ITGB4: variants seen among roughly 807,000 people sequenced by gnomAD.
ITGB4 encodes integrin subunit beta 4, also known as integrin beta-4.
In ITGB4, 159 loss-of-function variants were observed where a neutral mutation model predicts 207.6. The ratio of observed to expected loss-of-function variants is 0.77; its 90% CI spans 0.67 to 0.87. The LOEUF is 0.87. Ranked by LOEUF, ITGB4 falls within the 40% of genes least tolerant of loss-of-function variation. The pLI is 0.00. For missense variants in ITGB4, 2,278 were observed against 2,546.8 expected (o/e 0.89, Z 2.27); for synonymous variants, 1,020 against 1,062.7 (o/e 0.96, Z 0.78).
At position 75,732,687 on chromosome 17, in the gene ITGB4, G is replaced by A. The variant is rs920675329; in HGVS notation, c.1454+448G>A. On this transcript the variant is annotated intron_variant, in intron 12 of 39. Coordinates refer to ENST00000200181, the MANE Select transcript of ITGB4 (RefSeq NM_000213.5). The surrounding 1 kb of genome is among the most constrained non-coding windows in gnomAD (Gnocchi z 5.3). ...GCAGTGGGGAAAGGACACTGGAAGG[G>A]GTGACATGACAGGGCACTGGGGTTT... Among the ~76,000 whole-genome samples the A allele has an allele frequency of 3.3e-5, 5 of 152,152 alleles. No individual in the cohort carries two copies. The East Asian group carries it at 7.7e-4, about 23-fold the overall frequency.
chr17:75,741,906 C>T (rs2061120172), intron 23 of ITGB4, among the ~76,000 whole-genome samples: 1 of 152,166 alleles, frequency 6.6e-6, no homozygotes, highest in South Asian at 2.1e-4. Flanking sequence ...ATCCAACCCT[C>T]TCGTCAAGCC....
In ITGB4 at chr17:75,753,855, T is replaced by C. The variant is rs1464493879; in HGVS notation, c.4199T>C (p.Leu1400Pro). 1 of 1,388,770 alleles carries C rather than the reference T, an allele frequency of 7.2e-7. No homozygotes were observed. The highest frequency in any genetic ancestry group is 9.4e-7 in the Non-Finnish European group (1 of 1,069,174). 86.0% of individuals were successfully genotyped at this position (1,388,770 alleles called of 1,614,324 possible). Residue 1400 changes from leucine to proline, a missense_variant, in exon 33 of 40, where the codon CTG becomes CCG. Physicochemically the swap from Leu to Pro is moderately conservative, Grantham distance 98. Coordinates refer to ENST00000200181, the MANE Select transcript of ITGB4 (RefSeq NM_000213.5). Reference protein sequence around the residue: ...WRLPPELIPRLSASSGRSSDA... With the variant: ...WRLPPELIPRPSASSGRSSDA... ...CTGCCCCCGGAGCTCATCCCGCGCC[T>C]GTCGGCCAGCAGCGGGCGCTCCTCC... is the stretch of plus-strand genomic sequence containing the variant.
chr17:75,754,612 C>G lies in ITGB4; in HGVS notation c.4355C>G (p.Pro1452Arg). ...AATGGCCGGATGGACTTTGCCTTCC[C>G]GGGCAGCACCAACTCCCTGCACAGG... ...LVNGRMDFAF[P>R]GSTNSLHRMT... Residue 1452 changes from proline (P) to arginine (R), a missense_variant, in exon 34 of 40, where the codon CCG becomes CGG. By Grantham distance (103) the Pro-to-Arg change is moderately radical. Coordinates refer to ENST00000200181, the MANE Select transcript of ITGB4 (RefSeq NM_000213.5). 6.2e-7 allele frequency: 1 copy of G among 1,613,914 alleles called. No individual in the cohort carries two copies. Among genetic ancestry groups the G allele is most frequent in the Non-Finnish European group, 8.5e-7 (1 of 1,179,986 alleles).
In ITGB4 at chr17:75,748,197, CA is replaced by C. The variant is rs57537115; in HGVS notation, c.3112-624del. Among the ~76,000 whole-genome samples, 582 of 78,634 alleles carry C rather than the reference CA, an allele frequency of 7.4e-3. 5 individuals are homozygous for C. The highest frequency in any genetic ancestry group is 0.072 in the East Asian group (210 of 2,916). The allele number at this position is 78,634 out of a possible 152,430, so 51.6% of individuals were successfully genotyped here. On this transcript the variant is annotated intron_variant, in intron 26 of 39. Transcript: ENST00000200181. ...GCAACATAGGGTAACCGTGCCTCTA[CA>C]AAAAAAAAAAAAAAAAAAATAGCCA...
At chr17:75,752,148 C>A in intron 30 of ITGB4, 26 bp from the exon 31 acceptor site, 1 of 1,612,754 alleles carries the variant, frequency 6.2e-7, no homozygotes, top group Non-Finnish European at 8.5e-7. Flanking sequence ...CCTGGGTGAC[C>A]CTCTGAAGCA....
chr17:75,731,010 G>T lies in ITGB4; in HGVS notation c.1092+46G>T. On this transcript the variant is annotated intron_variant, in intron 9 of 39. Transcript: ENST00000200181. This position sits in a 1 kb window ranked among gnomAD's most constrained non-coding sequence, Gnocchi z 6.8. ...AGAGTCTGAGCCCTTCTGGGGCAGG[G>T]CAGGAAGTGGGCAGGGTGGGCAAGA... The T allele has an allele frequency of 1.3e-6, 2 of 1,560,768 alleles. No homozygotes were observed. Among genetic ancestry groups the T allele is most frequent in the Non-Finnish European group, 1.8e-6 (2 of 1,132,624 alleles).
chr17:75,742,850 G>T lies in ITGB4; in HGVS notation c.2962+89G>T. ...TTAAGTGGAATTGCGACCTGGCCAC[G>T]TGGCCTGGGCTAGTCACTTAACCTC... On this transcript the variant is annotated intron_variant, in intron 25 of 39. Coordinates refer to ENST00000200181, the MANE Select transcript of ITGB4 (RefSeq NM_000213.5). The surrounding 1 kb of genome is among the most constrained non-coding windows in gnomAD (Gnocchi z 5.9). 7.8e-7 allele frequency: 1 copy of T among 1,279,694 alleles called. No homozygotes were observed. The allele number at this position is 1,279,694 out of a possible 1,614,324, so 79.3% of individuals were successfully genotyped here.
Position 75,727,059 on chromosome 17 carries a change from C to G in ITGB4, c.80-136C>G. 1.3e-6 allele frequency: 1 copy of G among 753,476 alleles called. No individual in the cohort carries two copies. Among genetic ancestry groups the G allele is most frequent in the Non-Finnish European group, 2.3e-6 (1 of 441,674 alleles). 46.7% of individuals were successfully genotyped at this position (753,476 alleles called of 1,614,324 possible). ...CTGCACTCCAGCCTGGGCAACAGAG[C>G]GAGACTCTGTCTCAAAATAAATAAA... On this transcript the variant is annotated intron_variant, in intron 2 of 39. Transcript: ENST00000200181. The surrounding 1 kb of genome is among the most constrained non-coding windows in gnomAD (Gnocchi z 6.0).
chr17:75,747,074 C>T (rs1483096460), intron 26 of ITGB4, among the ~76,000 whole-genome samples: 2 of 151,974 alleles, frequency 1.3e-5, no homozygotes, highest in African/African-American at 2.4e-5. Context: ...ATAGATTCAC[C>T]GATTGCTAAT....
intron 13 of ITGB4, 115 bp from the exon 14 acceptor site, chr17:75,735,936 T>C: frequency 2.2e-6 from 2 of 915,008 alleles, no homozygotes; most frequent in Non-Finnish European, 3.6e-6. Context: ...TACCCCAGGC[T>C]AGCGGCACCC....
At position 75,732,618 on chromosome 17, in the gene ITGB4, T is replaced by C. The variant is rs977944071; in HGVS notation, c.1454+379T>C. On this transcript the variant is annotated intron_variant, in intron 12 of 39. Transcript: ENST00000200181. This position sits in a 1 kb window ranked among gnomAD's most constrained non-coding sequence, Gnocchi z 5.3. Reference sequence around the variant, plus strand: ...TCGTAAATGCACGGCAGTAAGGGCTTTAGCTTCAGGACACTGGGCGAGCTT... The same window carrying C: ...TCGTAAATGCACGGCAGTAAGGGCTCTAGCTTCAGGACACTGGGCGAGCTT... Among the ~76,000 whole-genome samples, 6 of 152,104 alleles carry C rather than the reference T, an allele frequency of 3.9e-5. No individual in the cohort carries two copies. The highest frequency in any genetic ancestry group is 8.8e-5 in the Non-Finnish European group (6 of 68,010).
intron 26 of ITGB4, among the ~76,000 whole-genome samples, chr17:75,747,214 C>A (rs968682604): frequency 6.6e-6 from 1 of 152,136 alleles, no homozygotes; most frequent in Non-Finnish European, 1.5e-5. Context: ...CGTGGTGGCT[C>A]ACACCTGTAA....
chr17:75,725,940 TCATCAA>T (rs1431705091), intron 2 of ITGB4, among the ~76,000 whole-genome samples: 9 of 152,168 alleles, frequency 5.9e-5, no homozygotes, highest in African/African-American at 9.7e-5. Flanking sequence ...TAGGTGCAGC[TCATCAA>T]AGGTAATGGG....
At chr17:75,747,106 A>C (rs1227533999) in intron 26 of ITGB4, among the ~76,000 whole-genome samples, 1 of 152,210 alleles carries the variant, frequency 6.6e-6, no homozygotes, top group African/African-American at 2.4e-5. Context: ...CTCTCTTTCT[A>C]TATAGATAGC....
chr17:75,754,543 G>T, intron 33 of ITGB4, 33 bp from the exon 34 acceptor site: 2 of 1,612,744 alleles, frequency 1.2e-6, no homozygotes. Context: ...TCTGGGGCAG[G>T]CCTGACCAAG....
In ITGB4 at chr17:75,733,589, C is replaced by T. The variant is rs1476581312; in HGVS notation, c.1554C>T (p.Cys518=). The T allele has an allele frequency of 6.2e-7, 1 of 1,614,106 alleles. No individual in the cohort carries two copies. Among genetic ancestry groups the T allele is most frequent in the Non-Finnish European group, 8.5e-7 (1 of 1,180,028 alleles). Reference sequence around the variant, plus strand: ...AGCCGTGCTCCGGCCGTGGGGAGTGCCAGTGCGGGCACTGTGTGTGCTACG... The same window carrying T: ...AGCCGTGCTCCGGCCGTGGGGAGTGTCAGTGCGGGCACTGTGTGTGCTACG... ...EDKPCSGRGE[C]QCGHCVCYGE... Residue 518 remains cysteine (C), a synonymous_variant, in exon 13 of 40, where the codon TGC becomes TGT. Transcript: ENST00000200181.
intron 27 of ITGB4, among the ~76,000 whole-genome samples, chr17:75,749,864 G>C (rs1176624895): frequency 6.6e-6 from 1 of 152,188 alleles, no homozygotes; most frequent in African/African-American, 2.4e-5. Flanking sequence ...GCTGCCAAGG[G>C]AGAAAGGGGC....
rs2061356561 is a variant in ITGB4 at position 75,751,059 on chromosome 17, C to T, written c.3741C>T (p.Asn1247=). The T allele has an allele frequency of 5.6e-6, 9 of 1,613,900 alleles. No homozygotes were observed. Among genetic ancestry groups the T allele is most frequent in the African/African-American group, 2.7e-5 (2 of 75,066 alleles). ...GCTGGGCTGAGCCGGCTGAGACCAA[C>T]GGTGAGATCACAGCCTACGAGGTCT... ...QLSWAEPAET[N]GEITAYEVCY... Residue 1247 remains asparagine, a synonymous_variant, in exon 30 of 40, where the codon AAC becomes AAT. Transcript: ENST00000200181.
chr17:75,750,837 T>G lies in ITGB4; in HGVS notation c.3632T>G (p.Val1211Gly), dbSNP rs758870493. The part of the protein sequence containing the change: ...AQGEGPYSSL[V>G]SCRTHQEVPS... The stretch of plus-strand genomic sequence containing the variant: ...GGCGAGGGACCCTACAGCTCCCTGG[T>G]GTCCTGCCGCACCCACCAGGAAGGT... The change falls in exon 29 of 40, where the codon GTG (valine) becomes GGG (glycine). Residue 1211 changes from valine (V) to glycine (G), a missense_variant. By Grantham distance (109) the Val-to-Gly change is moderately radical. Coordinates refer to ENST00000200181, the MANE Select transcript of ITGB4 (RefSeq NM_000213.5). The surrounding 1 kb of genome is among the most constrained non-coding windows in gnomAD (Gnocchi z 5.5). 5.6e-6 allele frequency: 9 copies of G among 1,613,198 alleles called. No individual in the cohort carries two copies. The highest frequency in any genetic ancestry group is 7.6e-6 in the Non-Finnish European group (9 of 1,180,000).
Sources: gnomAD v4.1 joint callset for allele counts (sites outside exome capture counted in the v4.1 genomes callset) on GRCh38, gnomAD v4.1.1 for gene constraint, Gnocchi (gnomAD v3.1) non-coding constraint, MANE v1.5 for transcripts, NCBI Gene and HGNC (gene_info 2026-07-23, HGNC 2026-07-21) for gene names.